Variants in ACAD9 observed in about 807,000 individuals in gnomAD.
ACAD9 encodes the protein complex I assembly factor ACAD9, mitochondrial.
In ACAD9, 53 loss-of-function variants were observed where a neutral mutation model predicts 70.2. The observed-to-expected ratio is 0.75, with a 90% CI of 0.61 to 0.95. ACAD9 has a LOEUF of 0.95. Ranked by LOEUF, ACAD9 falls within the 40% of genes least tolerant of loss-of-function variation. The pLI, the probability that ACAD9 is intolerant of heterozygous loss-of-function variation, is 0.00. For missense variants in ACAD9, 777 were observed against 802.8 expected (o/e 0.97, Z 0.39); for synonymous variants, 313 against 312.1 (o/e 1.00, Z -0.03).
intron 7 of ACAD9, 128 bp from the exon 8 acceptor site, chr3:128,901,148 C>T (rs533004077): frequency 2.0e-4 from 176 of 875,314 alleles, no homozygotes; most frequent in Non-Finnish European, 3.0e-4. Context: ...GGAACTTTGT[C>T]TTTCTATACT....
At chr3:128,903,618 T>TA (rs1302144411) in intron 9 of ACAD9, among the ~76,000 whole-genome samples, 1 of 152,062 alleles carries the variant, frequency 6.6e-6, no homozygotes, top group African/African-American at 2.4e-5. Context: ...CCAGCCTGAG[T>TA]ATTCAAGCCA....
Position 128,909,103 on chromosome 3 carries a change from A to G in ACAD9, c.1485+4A>G. 6.2e-7 allele frequency: 1 copy of G among 1,613,916 alleles called. No homozygotes were observed. The highest frequency in any genetic ancestry group is 1.1e-5 in the South Asian group (1 of 91,082). ...AGTTGTGCACCCCAGTCTTGCGGTG[A>G]GTGGGCCTAACAGGCATACCCCCTA... On this transcript the variant is annotated splice_donor_region_variant and intron_variant, in intron 14 of 17. Coordinates refer to ENST00000308982, the MANE Select transcript of ACAD9 (RefSeq NM_014049.5).
chr3:128,910,639 C>T lies in ACAD9; in HGVS notation c.1693-102C>T, dbSNP rs1936183656. 7 of 1,288,288 alleles carry T rather than the reference C, an allele frequency of 5.4e-6. No homozygotes were observed. In the South Asian group the frequency reaches 8.3e-5, roughly 15 times the overall value. The allele number at this position is 1,288,288 out of a possible 1,614,324, so 79.8% of individuals were successfully genotyped here. ...TGACTCCTGTGCCAGGCCTTGTGAC[C>T]CCTGCCATGCTACCCAGTTTGGCTG... On this transcript the variant is annotated intron_variant, in intron 16 of 17. Transcript: ENST00000308982.
intron 12 of ACAD9, 115 bp from the exon 13 acceptor site, chr3:128,908,070 G>C (rs983761633): frequency 2.1e-6 from 2 of 972,230 alleles, no homozygotes; most frequent in African/African-American, 3.2e-5. Context: ...TTCAGGAGCA[G>C]TGGCTTTTGT....
At chr3:128,906,072 T>C in intron 11 of ACAD9, 49 bp from the exon 12 acceptor site, 1 of 1,613,558 alleles carries the variant, frequency 6.2e-7, no homozygotes, top group South Asian at 1.1e-5. Flanking sequence ...CCCAGCTCCC[T>C]GCAGCGTAGG....
rs773480994 is a variant in ACAD9 at position 128,912,672 on chromosome 3, ACT to A, written c.*68_*69del. On this transcript the variant is annotated 3_prime_UTR_variant, in exon 18 of 18. Transcript: ENST00000308982. The stretch of plus-strand genomic sequence containing the variant: ...CATGGCCCGTTGCTGGATGACTGTT[ACT>A]CTTTTTTCAGAAGGTGTTGGGATTA... 6.6e-6 allele frequency: 9 copies of A among 1,371,948 alleles called. No individual in the cohort carries two copies. In the Admixed American group the frequency reaches 1.2e-4, roughly 18 times the overall value. The allele number at this position is 1,371,948 out of a possible 1,614,324, so 85.0% of individuals were successfully genotyped here. A position where few individuals can be genotyped will look rare whatever the true frequency, so the allele number is the denominator to read the frequency against.
chr3:128,899,443 G>A lies in ACAD9; in HGVS notation c.790G>A (p.Gly264Ser), dbSNP rs760812331. 6.2e-7 allele frequency: 1 copy of A among 1,614,166 alleles called. No homozygotes were observed. The highest frequency in any genetic ancestry group is 8.5e-7 in the Non-Finnish European group (1 of 1,180,030). ...TAATGGGAAACCCGAAGATAAATTAGGCATTCGGGGCTCCAACAGTAAGTA... is the reference window on the plus strand; with the variant it reads ...TAATGGGAAACCCGAAGATAAATTAAGCATTCGGGGCTCCAACAGTAAGTA... ...VTNGKPEDKLGIRGSNTCEVH... is the reference protein window; with the variant it reads ...VTNGKPEDKLSIRGSNTCEVH... Residue 264 changes from glycine to serine, a missense_variant, in exon 7 of 18, where the codon GGC becomes AGC. Gly to Ser is a moderately conservative substitution (Grantham distance 56, BLOSUM62 0). Coordinates refer to ENST00000308982, the MANE Select transcript of ACAD9 (RefSeq NM_014049.5).
chr3:128,888,000 C>T (rs534470143), intron 2 of ACAD9, among the ~76,000 whole-genome samples: 2 of 152,248 alleles, frequency 1.3e-5, no homozygotes, highest in South Asian at 4.2e-4. Context: ...TGAAAACCAA[C>T]CAGGACAGAC....
chr3:128,898,528 C>T (rs1215290791), intron 6 of ACAD9: 1 of 383,518 alleles, frequency 2.6e-6, no homozygotes, highest in Non-Finnish European at 4.9e-6. Context: ...ACCTCAACCT[C>T]CCAAGCAGCT....
rs376690416 is a variant in ACAD9 at position 128,899,215 on chromosome 3, T to G, written c.634-72T>G. The G allele has an allele frequency of 4.5e-5, 69 of 1,545,616 alleles. 1 individual carries two copies. Among genetic ancestry groups the G allele is most frequent in the Admixed American group, 1.2e-4 (7 of 59,486 alleles). ...GGTCTGACTGGCAGCTGGAGCTTGA[T>G]GGACAAAGACAGAGCTGAGGTGGGT... On this transcript the variant is annotated intron_variant, in intron 6 of 17. Transcript: ENST00000308982.
Position 128,903,060 on chromosome 3 carries a change from C to T in ACAD9, c.958+432C>T, listed in dbSNP as rs914566009. Among the ~76,000 whole-genome samples the T allele has an allele frequency of 6.6e-5, 10 of 152,186 alleles. No individual in the cohort carries two copies. The South Asian group carries it at 2.1e-3, about 32-fold the overall frequency. On this transcript the variant is annotated intron_variant, in intron 9 of 17. Transcript: ENST00000308982. ...CTGCATGGTGGGTGGGGAGTAGGATCGGGTTTGGAACCCAGGTCCCTGGGC... is the reference window on the plus strand; with the variant it reads ...CTGCATGGTGGGTGGGGAGTAGGATTGGGTTTGGAACCCAGGTCCCTGGGC...
At chr3:128,898,103 C>T (rs1217439106) in intron 6 of ACAD9, among the ~76,000 whole-genome samples, 1 of 152,132 alleles carries the variant, frequency 6.6e-6, no homozygotes, top group Non-Finnish European at 1.5e-5. Context: ...GTGATCTGCC[C>T]ACCTCGGCCT....
At position 128,909,061 on chromosome 3, in the gene ACAD9, C is replaced by T; in HGVS notation, c.1447C>T (p.Leu483=). Residue 483 remains leucine, a synonymous_variant, in exon 14 of 18, where the codon CTG becomes TTG. Transcript: ENST00000308982. The part of the protein sequence containing the change: ...DSLGRTVDLG[L]TGNHGVVHPS... ...CCTGGGCCGAACTGTGGACCTGGGG[C>T]TGACAGGCAACCATGGAGTTGTGCA... 1 of 1,614,116 alleles carries T rather than the reference C, an allele frequency of 6.2e-7. No homozygotes were observed. The highest frequency in any genetic ancestry group is 8.5e-7 in the Non-Finnish European group (1 of 1,180,024).
At chr3:128,898,115 C>G (rs758988012) in intron 6 of ACAD9, among the ~76,000 whole-genome samples, 1 of 152,130 alleles carries the variant, frequency 6.6e-6, no homozygotes, top group Non-Finnish European at 1.5e-5. Context: ...CCTCGGCCTC[C>G]CAAAGTGCTG....
At chr3:128,895,759 C>G (rs116580574) in intron 4 of ACAD9, among the ~76,000 whole-genome samples, 85 of 152,338 alleles carry the variant, frequency 5.6e-4, no homozygotes, top group African/African-American at 1.9e-3. Context: ...AGCATGCCCC[C>G]ACTCTTTATG....
chr3:128,892,216 A>G (rs1935440803), intron 2 of ACAD9, among the ~76,000 whole-genome samples: 1 of 152,230 alleles, frequency 6.6e-6, no homozygotes, highest in Admixed American at 6.5e-5. Context: ...TTTCACTGAC[A>G]AATATGTCAG....
chr3:128,906,566 G>A (rs566734848), intron 12 of ACAD9, among the ~76,000 whole-genome samples: 6 of 152,290 alleles, frequency 3.9e-5, no homozygotes, highest in East Asian at 1.9e-4. Flanking sequence ...GGCAGGGAGC[G>A]GGCATCCTCC....
intron 17 of ACAD9, among the ~76,000 whole-genome samples, chr3:128,911,823 T>C (rs1352450790): frequency 6.6e-6 from 1 of 152,220 alleles, no homozygotes; most frequent in Non-Finnish European, 1.5e-5. Flanking sequence ...AGACAGCATT[T>C]TACCTGCCCC....
chr3:128,912,769 C>T lies in ACAD9; in HGVS notation c.*162C>T. ...TCGCCTGGCCTGGGAGAGCCTCTTC[C>T]AGGTTTTGACCTGCAGGCAGTGCTC... On this transcript the variant is annotated 3_prime_UTR_variant, in exon 18 of 18. Transcript: ENST00000308982. The T allele has an allele frequency of 1.3e-6, 1 of 762,902 alleles. No individual in the cohort carries two copies. The highest frequency in any genetic ancestry group is 2.4e-6 in the Non-Finnish European group (1 of 421,064). The allele number at this position is 762,902 out of a possible 1,614,324, so 47.3% of individuals were successfully genotyped here.
Sources: gnomAD v4.1 joint callset for allele counts (sites outside exome capture counted in the v4.1 genomes callset) on GRCh38, gnomAD v4.1.1 for gene constraint, MANE v1.5 for transcripts, NCBI Gene and HGNC (gene_info 2026-07-23, HGNC 2026-07-21) for gene names.